ACSL3: variants seen among roughly 807,000 people sequenced by gnomAD.
ACSL3 encodes the protein fatty acid CoA ligase Acsl3.
Under a neutral mutation model 84.7 loss-of-function variants are expected in ACSL3, and 34 were observed. The observed-to-expected ratio is 0.40, with a 90% CI of 0.31 to 0.53. The LOEUF (loss-of-function observed/expected upper bound fraction) is 0.53, where lower values mean the gene tolerates loss of function less well. ACSL3 is among the 20% of genes least tolerant of loss of function. ACSL3 has a pLI of 0.48. For missense variants in ACSL3, 680 were observed against 873.1 expected, an observed-to-expected ratio of 0.78 and a Z score of 2.79; for synonymous variants, 315 against 299.4, an observed-to-expected ratio of 1.05 and a Z score of -0.54.
chr2:222,899,185 C>G (rs1696072052), intron 2 of ACSL3, among the ~76,000 whole-genome samples: 1 of 152,068 alleles, frequency 6.6e-6, no homozygotes, highest in African/African-American at 2.4e-5. Context: ...CTTTGGATAG[C>G]TGAGGCCTTT....
chr2:222,874,170 G>A lies in ACSL3; in HGVS notation c.-207+12912G>A, dbSNP rs35575997. ...CCCGAGTAGCTGGGATTACAGGTGC[G>A]CACCACCACACCCGGCTCATTTTTT... On this transcript the variant is annotated intron_variant, in intron 1 of 16. Transcript: ENST00000357430. Among the ~76,000 whole-genome samples, 121 of 152,054 alleles carry A rather than the reference G, an allele frequency of 8.0e-4. 1 individual carries two copies. The highest frequency in any genetic ancestry group is 2.6e-3 in the Admixed American group (39 of 15,262).
At chr2:222,876,566 C>T (rs1469835421) in intron 1 of ACSL3, among the ~76,000 whole-genome samples, 2 of 152,148 alleles carry the variant, frequency 1.3e-5, no homozygotes, top group Non-Finnish European at 2.9e-5. Flanking sequence ...AGGCATTCCT[C>T]CTGCCTCAGT....
intron 11 of ACSL3, 42 bp downstream of exon 11, chr2:222,924,637 A>G (rs1312895720): frequency 6.6e-7 from 1 of 1,522,704 alleles, no homozygotes; most frequent in Non-Finnish European, 8.9e-7. Context: ...CCTCTTGATA[A>G]TTTAATCATT....
intron 11 of ACSL3, among the ~76,000 whole-genome samples, chr2:222,925,342 C>CA (rs34016050): frequency 0.032 from 2,697 of 85,206 alleles, 42 homozygotes; most frequent in Middle Eastern, 0.061. Flanking sequence ...ACTCTTGTCT[C>CA]AAAAAAAAAA....
At chr2:222,912,282 C>T (rs1009150643) in intron 4 of ACSL3, among the ~76,000 whole-genome samples, 1 of 152,208 alleles carries the variant, frequency 6.6e-6, no homozygotes, top group East Asian at 1.9e-4. Flanking sequence ...GTGGGTATCT[C>T]AGCTGCATGT....
At chr2:222,929,025 C>A in intron 13 of ACSL3, 89 bp downstream of exon 13, 1 of 1,024,640 alleles carries the variant, frequency 9.8e-7, no homozygotes, top group Non-Finnish European at 1.5e-6. Flanking sequence ...AGAATGTAAA[C>A]ACCCATAAGT....
intron 11 of ACSL3, among the ~76,000 whole-genome samples, chr2:222,925,248 A>G (rs1252678640): frequency 2.0e-5 from 3 of 150,290 alleles, no homozygotes. Context: ...AAGCAGGAGA[A>G]TTGCTTGAAC....
chr2:222,922,060 T>TA (rs1391963904), intron 8 of ACSL3, among the ~76,000 whole-genome samples: 2 of 152,188 alleles, frequency 1.3e-5, no homozygotes, highest in African/African-American at 4.8e-5. Context: ...GAATGTCTCT[T>TA]ACGTATGCAT....
At position 222,903,557 on chromosome 2, in the gene ACSL3, ATAGT is replaced by A. The variant is rs376719924; in HGVS notation, c.-41+2780_-41+2783del. Among the ~76,000 whole-genome samples the A allele has an allele frequency of 3.8e-3, 583 of 152,374 alleles. 2 individuals are homozygous for A. The highest frequency in any genetic ancestry group is 0.02 in the Middle Eastern group (6 of 294). On this transcript the variant is annotated intron_variant, in intron 3 of 16. Transcript: ENST00000357430. ...TATAAATAAATGACAGAGTAACACC[ATAGT>A]TATATGATTGGAACTCAAGAAATAT...
chr2:222,874,305 G>A (rs759015290), intron 1 of ACSL3, among the ~76,000 whole-genome samples: 2 of 152,200 alleles, frequency 1.3e-5, no homozygotes, highest in Non-Finnish European at 2.9e-5. Context: ...GATTACAGGC[G>A]TGGGCCACTG....
At chr2:222,862,044 C>T (rs1695028373) in intron 1 of ACSL3, among the ~76,000 whole-genome samples, 1 of 151,994 alleles carries the variant, frequency 6.6e-6, no homozygotes, top group South Asian at 2.1e-4. Context: ...AAAGATCCCT[C>T]GAAAATGAAA....
chr2:222,925,833 G>T (rs1696863491), intron 11 of ACSL3, among the ~76,000 whole-genome samples: 1 of 152,036 alleles, frequency 6.6e-6, no homozygotes, highest in Non-Finnish European at 1.5e-5. Context: ...GATCAGTTTT[G>T]TTCCAGCTTG....
At position 222,908,946 on chromosome 2, in the gene ACSL3, G is replaced by A. The variant is rs1378182048; in HGVS notation, c.174G>A (p.Lys58=). ...AAAAATCAAACCGAATTAAAGCAAA[G>A]CCTGTAAATTCAAAACCTGATTCTG... ...RQEKSNRIKA[K]PVNSKPDSAY... The change falls in exon 4 of 17, where the codon AAG becomes AAA. Residue 58 remains lysine (K), a synonymous_variant. Coordinates refer to ENST00000357430, the MANE Select transcript of ACSL3 (RefSeq NM_004457.5). 7 of 1,613,208 alleles carry A rather than the reference G, an allele frequency of 4.3e-6. No homozygotes were observed. The highest frequency in any genetic ancestry group is 1.3e-5 in the African/African-American group (1 of 74,854).
At chr2:222,861,980 A>C (rs1426693158) in intron 1 of ACSL3, among the ~76,000 whole-genome samples, 2 of 152,090 alleles carry the variant, frequency 1.3e-5, no homozygotes, top group Non-Finnish European at 2.9e-5. Context: ...CAGGTTTTCA[A>C]ATGGTTTTCG....
In ACSL3 at chr2:222,933,200, G is replaced by C. The variant is rs764188800; in HGVS notation, c.1767G>C (p.Gly589=). Residue 589 remains glycine, a synonymous_variant, in exon 15 of 17, where the codon GGG becomes GGC. Coordinates refer to ENST00000357430, the MANE Select transcript of ACSL3 (RefSeq NM_004457.5). The part of the protein sequence containing the change: ...RKKDLVKLQA[G]EYVSLGKVEA... ...AGGACCTTGTAAAACTACAGGCAGG[G>C]GAATATGTTTCTCTTGGGAAAGTAG... is the stretch of plus-strand genomic sequence containing the variant. 1 of 1,613,784 alleles carries C rather than the reference G, an allele frequency of 6.2e-7. No homozygotes were observed. The highest frequency in any genetic ancestry group is 8.5e-7 in the Non-Finnish European group (1 of 1,179,896).
Position 222,941,993 on chromosome 2 carries a change from CT to C in ACSL3, c.*344del. On this transcript the variant is annotated 3_prime_UTR_variant, in exon 17 of 17. Transcript: ENST00000357430. ...GTTCTGTATAATGTTCAGTTTGTAA[CT>C]TTTTAAAAGTTTGGATGTATAGAGG... 1 of 238,162 alleles carries C rather than the reference CT, an allele frequency of 4.2e-6. No homozygotes were observed. The highest frequency in any genetic ancestry group is 1.8e-4 in the South Asian group (1 of 5,574). 14.8% of individuals were successfully genotyped at this position (238,162 alleles called of 1,614,324 possible).
chr2:222,866,798 A>C (rs2106080162), intron 1 of ACSL3, among the ~76,000 whole-genome samples: 1 of 107,480 alleles, frequency 9.3e-6, no homozygotes, highest in Non-Finnish European at 1.8e-5. Context: ...AATCATAAGG[A>C]AATTGAGAGA....
intron 1 of ACSL3, among the ~76,000 whole-genome samples, chr2:222,886,130 C>T (rs903314271): frequency 4.8e-5 from 7 of 145,682 alleles, no homozygotes; most frequent in Admixed American, 1.4e-4. Context: ...CGTAGGTACA[C>T]ACGTGGCATG....
Position 222,928,847 on chromosome 2 carries a change from TC to T in ACSL3, c.1466-14del. On this transcript the variant is annotated splice_polypyrimidine_tract_variant and intron_variant, in intron 12 of 16. Coordinates refer to ENST00000357430, the MANE Select transcript of ACSL3 (RefSeq NM_004457.5). ...CTACTGTTCTCAAATATCCTTTTTT[TC>T]ATTTAATTCCTAGTGTGGGACTACA... 2 of 1,607,212 alleles carry T rather than the reference TC, an allele frequency of 1.2e-6. No individual in the cohort carries two copies. Among genetic ancestry groups the T allele is most frequent in the Non-Finnish European group, 1.7e-6 (2 of 1,174,898 alleles).
Sources: gnomAD v4.1 joint callset for allele counts (sites outside exome capture counted in the v4.1 genomes callset) on GRCh38, gnomAD v4.1.1 for gene constraint, MANE v1.5 for transcripts, NCBI Gene and HGNC (gene_info 2026-07-23, HGNC 2026-07-21) for gene names.